The following WDFY3 variants were observed in gnomAD, a reference collection of about 807,000 sequenced individuals.
WDFY3 encodes WD repeat and FYVE domain containing 3.
In WDFY3, 66 loss-of-function variants were observed where a neutral mutation model predicts 409.6. That is an observed-to-expected ratio of 0.16 (90% CI 0.13 to 0.20). The LOEUF is 0.20. Among genes scored for constraint, WDFY3 ranks in the 10% least tolerant of loss-of-function variants. The probability of loss-of-function intolerance (pLI) is 1.00; values close to 1 mark genes in which losing one functional copy is unlikely to be tolerated. For missense variants in WDFY3, 3,031 were observed against 4,298.1 expected (o/e 0.71, Z 8.24); for synonymous variants, 1,521 against 1,537.1 (o/e 0.99, Z 0.25).
At chr4:84,850,755 T>A (rs1181913423) in intron 4 of WDFY3, among the ~76,000 whole-genome samples, 1 of 152,030 alleles carries the variant, frequency 6.6e-6, no homozygotes, top group Non-Finnish European at 1.5e-5. Context: ...ACTAAACTCA[T>A]TTCATGTCTC....
At chr4:84,795,058 A>G (rs1482562967) in intron 19 of WDFY3, 79 bp from the exon 20 acceptor site, 1 of 963,268 alleles carries the variant, frequency 1.0e-6, no homozygotes, top group Non-Finnish European at 1.4e-6. Context: ...ACAGTGAAAT[A>G]ACTGCCAGTA....
intron 30 of WDFY3, among the ~76,000 whole-genome samples, chr4:84,769,276 G>T (rs1050640325): frequency 6.6e-6 from 1 of 152,096 alleles, no homozygotes; most frequent in Non-Finnish European, 1.5e-5. Flanking sequence ...GTTTTTGAAA[G>T]GATTGACTCC....
At chr4:84,674,733 T>C (rs1725968114) in intron 67 of WDFY3, among the ~76,000 whole-genome samples, 1 of 151,478 alleles carries the variant, frequency 6.6e-6, no homozygotes, top group South Asian at 2.1e-4. Flanking sequence ...CCAGGCGTGG[T>C]GGTGCACGCC....
intron 19 of WDFY3, 43 bp from the exon 20 acceptor site, chr4:84,795,022 C>T (rs1749142323): frequency 7.1e-7 from 1 of 1,403,928 alleles, no homozygotes; most frequent in Admixed American, 2.6e-5. Context: ...ATCAATGACT[C>T]CTTCTCTTAA....
chr4:84,940,695 T>A (rs1771995480), intron 1 of WDFY3, among the ~76,000 whole-genome samples: 1 of 151,970 alleles, frequency 6.6e-6, no homozygotes, highest in Non-Finnish European at 1.5e-5. Flanking sequence ...TATCCTGATA[T>A]CAAAACCAGA....
chr4:84,869,973 A>T (rs1298165182), intron 3 of WDFY3, among the ~76,000 whole-genome samples: 1 of 152,220 alleles, frequency 6.6e-6, no homozygotes, highest in Non-Finnish European at 1.5e-5. Flanking sequence ...AGTAAAATGG[A>T]AATTACTACA....
chr4:84,875,268 AC>A (rs1762628164), intron 3 of WDFY3, among the ~76,000 whole-genome samples: 1 of 131,466 alleles, frequency 7.6e-6, no homozygotes, highest in Non-Finnish European at 1.7e-5. Context: ...ACTCAAACAC[AC>A]ACACACACAC....
chr4:84,779,055 A>AT lies in WDFY3; in HGVS notation c.4366-401dup, dbSNP rs575425473. Among the ~76,000 whole-genome samples, 1,033 of 150,800 alleles carry AT rather than the reference A, an allele frequency of 6.9e-3. 8 individuals carry two copies. The highest frequency in any genetic ancestry group is 0.017 in the Middle Eastern group (5 of 294). ...ATATACACTTTTTGTGTTATAAAGT[A>AT]TTTTTTTTTGCAACACGGTCTTAAT... is the stretch of plus-strand genomic sequence containing the variant. On this transcript the variant is annotated intron_variant, in intron 26 of 67. Transcript: ENST00000295888.
intron 47 of WDFY3, among the ~76,000 whole-genome samples, chr4:84,719,474 A>G (rs1734492142): frequency 6.6e-6 from 1 of 152,214 alleles, no homozygotes; most frequent in African/African-American, 2.4e-5. Context: ...GTTTGAATAC[A>G]CTTCCTGCAC....
chr4:84,952,844 T>C (rs548611925), intron 1 of WDFY3, among the ~76,000 whole-genome samples: 35 of 152,260 alleles, frequency 2.3e-4, no homozygotes, highest in African/African-American at 6.3e-4. Flanking sequence ...ACATGGTAGA[T>C]TGGTGCAGCC....
At chr4:84,938,645 T>A (rs1199802734) in intron 1 of WDFY3, among the ~76,000 whole-genome samples, 2 of 152,200 alleles carry the variant, frequency 1.3e-5, no homozygotes, top group South Asian at 4.1e-4. Flanking sequence ...CAGATATTTT[T>A]AAATGTTTTC....
intron 26 of WDFY3, 48 bp from the exon 27 acceptor site, chr4:84,778,703 T>A (rs772643770): frequency 1.3e-6 from 2 of 1,570,308 alleles, no homozygotes; most frequent in South Asian, 2.4e-5. Flanking sequence ...ATCATATATA[T>A]TCATTACACA....
chr4:84,833,706 G>GAGAAC (rs1157470035), intron 7 of WDFY3, among the ~76,000 whole-genome samples: 1 of 151,050 alleles, frequency 6.6e-6, no homozygotes, highest in Non-Finnish European at 1.5e-5. Context: ...GAGAAGAGAA[G>GAGAAC]AGAACAGAAC....
chr4:84,797,925 T>G, intron 18 of WDFY3, 71 bp downstream of exon 18: 2 of 1,367,180 alleles, frequency 1.5e-6, no homozygotes, highest in Non-Finnish European at 2.0e-6. Flanking sequence ...ACAAACTTCT[T>G]GAAATAATAT....
intron 2 of WDFY3, among the ~76,000 whole-genome samples, chr4:84,914,118 G>A (rs1159113561): frequency 6.6e-6 from 1 of 152,080 alleles, no homozygotes; most frequent in Non-Finnish European, 1.5e-5. Flanking sequence ...TTGGTGGTAA[G>A]CCTTCAACAG....
chr4:84,845,192 A>C (rs1180954367), intron 5 of WDFY3, among the ~76,000 whole-genome samples: 1 of 152,200 alleles, frequency 6.6e-6, no homozygotes, highest in Non-Finnish European at 1.5e-5. Flanking sequence ...TCAGAGGGGT[A>C]CTGGAAGAAT....
chr4:84,853,674 T>C (rs1456406966), intron 4 of WDFY3, among the ~76,000 whole-genome samples: 1 of 152,252 alleles, frequency 6.6e-6, no homozygotes, highest in South Asian at 2.1e-4. Context: ...GGGTAAATAA[T>C]ATGCTGTTGA....
At chr4:84,740,055 C>T in intron 39 of WDFY3, 132 bp downstream of exon 39, 2 of 938,732 alleles carry the variant, frequency 2.1e-6, no homozygotes, top group Non-Finnish European at 3.2e-6. Context: ...TTGCCCTTTA[C>T]CTTTTTACAT....
At chr4:84,961,017 C>G (rs1026767724) in intron 1 of WDFY3, among the ~76,000 whole-genome samples, 1 of 152,020 alleles carries the variant, frequency 6.6e-6, no homozygotes, top group Non-Finnish European at 1.5e-5. Context: ...GAATTCGAGA[C>G]CAGCCTGGCT....
Sources: allele counts gnomAD v4.1 joint callset (sites outside exome capture counted in the v4.1 genomes callset), GRCh38; gene constraint gnomAD v4.1.1; transcripts MANE v1.5; gene names NCBI Gene and HGNC (gene_info 2026-07-23, HGNC 2026-07-21).